MAP4K3: variants seen among roughly 807,000 people sequenced by gnomAD.
The protein encoded by MAP4K3 is MAPK/ERK kinase kinase kinase 3.
MAP4K3 carries 94 observed loss-of-function variants against 143.5 expected under a neutral mutation model. The observed-to-expected ratio is 0.65, with a 90% CI of 0.55 to 0.78. The LOEUF is 0.78. MAP4K3 is among the 30% of genes least tolerant of loss of function. The probability of loss-of-function intolerance (pLI) is 0.00; values close to 1 mark genes in which losing one functional copy is unlikely to be tolerated. For missense variants in MAP4K3, 1,077 were observed against 1,068.1 expected (o/e 1.01, Z -0.12); for synonymous variants, 416 against 347.2 (o/e 1.20, Z -2.20).
intron 1 of MAP4K3, among the ~76,000 whole-genome samples, chr2:39,424,233 C>T (rs1255263217): frequency 1.3e-5 from 2 of 152,116 alleles, no homozygotes; most frequent in Admixed American, 6.6e-5. Flanking sequence ...CGTGAGCCAT[C>T]GCGCCCGGCC....
intron 1 of MAP4K3, among the ~76,000 whole-genome samples, chr2:39,417,534 A>G (rs1004962706): frequency 2.6e-5 from 4 of 152,142 alleles, no homozygotes; most frequent in Non-Finnish European, 5.9e-5. Context: ...CAGGTTTCTT[A>G]CTACTGGATT....
At chr2:39,316,399 T>G (rs1683113451) in intron 12 of MAP4K3, among the ~76,000 whole-genome samples, 1 of 152,088 alleles carries the variant, frequency 6.6e-6, no homozygotes, top group South Asian at 2.1e-4. Context: ...GTCAAATGAT[T>G]ACAAGAAAGG....
chr2:39,345,498 A>G (rs778607030), intron 3 of MAP4K3, among the ~76,000 whole-genome samples: 12 of 152,174 alleles, frequency 7.9e-5, no homozygotes, highest in Non-Finnish European at 1.8e-4. Flanking sequence ...GCTGGACCTA[A>G]GAGGTGAGCT....
intron 16 of MAP4K3, among the ~76,000 whole-genome samples, chr2:39,298,216 T>A (rs1161419666): frequency 6.6e-6 from 1 of 152,110 alleles, no homozygotes; most frequent in African/African-American, 2.4e-5. Flanking sequence ...GAGACAAACT[T>A]TCCTTTGTTT....
chr2:39,377,018 CATTTT>C (rs931326977), intron 2 of MAP4K3, among the ~76,000 whole-genome samples: 16 of 151,868 alleles, frequency 1.1e-4, no homozygotes, highest in Admixed American at 7.9e-4. Flanking sequence ...TTTTTTAATT[CATTTT>C]ATTTATGTGT....
chr2:39,276,142 G>A (rs569452201), intron 24 of MAP4K3, among the ~76,000 whole-genome samples: 49 of 152,266 alleles, frequency 3.2e-4, no homozygotes, highest in African/African-American at 1.2e-3. Context: ...AAAGTGCTGG[G>A]ATTACAGGCA....
chr2:39,369,193 G>GTTT lies in MAP4K3; in HGVS notation c.154+8870_154+8872dup, dbSNP rs1553419595. Among the ~76,000 whole-genome samples the GTTT allele has an allele frequency of 2.8e-3, 106 of 37,966 alleles. 4 individuals carry two copies. The highest frequency in any genetic ancestry group is 5.3e-3 in the African/African-American group (91 of 17,244). 24.9% of individuals were successfully genotyped at this position (37,966 alleles called of 152,430 possible). Reference sequence around the variant, plus strand: ...GGGTAAAATCTAAACCTTTGGGCTAGTTTTTTTTTTTGTTTTTTTTGAGAT... The same window carrying GTTT: ...GGGTAAAATCTAAACCTTTGGGCTAGTTTTTTTTTTTTTTGTTTTTTTTGAGAT... On this transcript the variant is annotated intron_variant, in intron 2 of 33. Transcript: ENST00000263881.
chr2:39,283,666 C>A (rs942408101), intron 21 of MAP4K3: 1 of 152,100 alleles, frequency 6.6e-6, no homozygotes, highest in African/African-American at 2.4e-5. Flanking sequence ...AGTATACAGG[C>A]AATTATAAGG....
At chr2:39,279,427 T>A (rs966416961) in intron 23 of MAP4K3, among the ~76,000 whole-genome samples, 2 of 152,184 alleles carry the variant, frequency 1.3e-5, no homozygotes, top group African/African-American at 4.8e-5. Context: ...GCATATTTAA[T>A]GAGTGTATGT....
intron 12 of MAP4K3, among the ~76,000 whole-genome samples, chr2:39,324,697 C>G (rs570409907): frequency 1.9e-3 from 282 of 152,234 alleles, no homozygotes; most frequent in African/African-American, 6.5e-3. Context: ...AGAGTTAAAG[C>G]CTATCCACTT....
chr2:39,303,828 C>A (rs756592745), intron 15 of MAP4K3, among the ~76,000 whole-genome samples: 15 of 152,186 alleles, frequency 9.9e-5, no homozygotes, highest in Non-Finnish European at 1.6e-4. Flanking sequence ...TGAGCTACCA[C>A]GCCGGGTCAA....
intron 2 of MAP4K3, among the ~76,000 whole-genome samples, chr2:39,360,805 G>A (rs1490880087): frequency 6.6e-6 from 1 of 152,076 alleles, no homozygotes; most frequent in Non-Finnish European, 1.5e-5. Context: ...TCACTATCAC[G>A]AGAACAGCAG....
rs140387430 is a variant in MAP4K3 at position 39,385,551 on chromosome 2, C to CATATATATAT, written c.97-7438_97-7429dup. ...TTCTTACTGAGTTATGAGCGTTCTT[C>CATATATATAT]ATATATATATATATATATATATATA... On this transcript the variant is annotated intron_variant, in intron 1 of 33. Coordinates refer to ENST00000263881, the MANE Select transcript of MAP4K3 (RefSeq NM_003618.4). Among the ~76,000 whole-genome samples, 810 of 110,902 alleles carry CATATATATAT rather than the reference C, an allele frequency of 7.3e-3. 1 individual carries two copies. Among genetic ancestry groups the CATATATATAT allele is most frequent in the African/African-American group, 0.01 (227 of 21,968 alleles). 72.8% of individuals were successfully genotyped at this position (110,902 alleles called of 152,430 possible).
intron 2 of MAP4K3, among the ~76,000 whole-genome samples, chr2:39,371,520 C>G (rs1666081205): frequency 6.6e-6 from 1 of 152,136 alleles, no homozygotes; most frequent in African/African-American, 2.4e-5. Flanking sequence ...ATACACAATG[C>G]TCCAAAATCC....
chr2:39,293,197 A>G, intron 17 of MAP4K3, 33 bp downstream of exon 17: 1 of 1,445,782 alleles, frequency 6.9e-7, no homozygotes, highest in Non-Finnish European at 9.5e-7. Context: ...TGTCTGTGAC[A>G]TAAAGTACTT....
intron 1 of MAP4K3, among the ~76,000 whole-genome samples, chr2:39,434,144 T>C (rs900950472): frequency 6.6e-6 from 1 of 152,240 alleles, no homozygotes; most frequent in South Asian, 2.1e-4. Context: ...ATCTCTTATT[T>C]ATTTAATCCA....
chr2:39,320,446 T>A (rs1330189309), intron 12 of MAP4K3, among the ~76,000 whole-genome samples: 4 of 152,160 alleles, frequency 2.6e-5, no homozygotes, highest in African/African-American at 9.7e-5. Context: ...CTAGTTCCAA[T>A]AATGGAACAC....
chr2:39,259,893 A>G (rs780718418), intron 29 of MAP4K3, among the ~76,000 whole-genome samples: 1 of 152,228 alleles, frequency 6.6e-6, no homozygotes, highest in Admixed American at 6.5e-5. Flanking sequence ...TTCAAGAGAC[A>G]TTGTTATTTA....
chr2:39,259,569 A>C (rs1449360184), intron 29 of MAP4K3, among the ~76,000 whole-genome samples: 1 of 152,238 alleles, frequency 6.6e-6, no homozygotes, highest in East Asian at 1.9e-4. Context: ...TCTGAGAGTT[A>C]TGAAAATGTT....
Sources: allele counts gnomAD v4.1 joint callset (sites outside exome capture counted in the v4.1 genomes callset), GRCh38; gene constraint gnomAD v4.1.1; transcripts MANE v1.5; gene names NCBI Gene and HGNC (gene_info 2026-07-23, HGNC 2026-07-21).